The following FABP3 variants were observed in gnomAD, a reference collection of about 807,000 sequenced individuals.
The protein encoded by FABP3 is fatty acid-binding protein, heart.
In FABP3, 8 loss-of-function variants were observed where a neutral mutation model predicts 13.4. The ratio of observed to expected loss-of-function variants is 0.60; its 90% CI spans 0.35 to 1.07. FABP3 has a LOEUF of 1.07. Ranked by LOEUF, FABP3 falls within the 50% of genes least tolerant of loss-of-function variation. The probability of loss-of-function intolerance (pLI) is 0.02; values close to 1 mark genes in which losing one functional copy is unlikely to be tolerated. For missense variants in FABP3, 135 were observed against 164.7 expected (o/e 0.82, Z 0.99); for synonymous variants, 64 against 60.0 (o/e 1.07, Z -0.31).
At chr1:31,371,729 C>T (rs1371322445) in intron 1 of FABP3, among the ~76,000 whole-genome samples, 1 of 152,160 alleles carries the variant, frequency 6.6e-6, no homozygotes, top group African/African-American at 2.4e-5. Flanking sequence ...AGCTGCTGGG[C>T]TGTGTTCGTG....
chr1:31,368,438 G>A (rs1465490316), intron 2 of FABP3, among the ~76,000 whole-genome samples: 1 of 152,194 alleles, frequency 6.6e-6, no homozygotes, highest in Non-Finnish European at 1.5e-5. Flanking sequence ...AAGTAGGCAA[G>A]TCCAAGGAGG....
chr1:31,360,872 G>A (rs1639860618), downstream of FABP3, among the ~76,000 whole-genome samples: 1 of 152,156 alleles, frequency 6.6e-6, no homozygotes, highest in Non-Finnish European at 1.5e-5. Context: ...TGACTCTACA[G>A]ACTATTATTG....
At chr1:31,371,998 T>TA (rs1640217593) in intron 1 of FABP3, among the ~76,000 whole-genome samples, 1 of 152,222 alleles carries the variant, frequency 6.6e-6, no homozygotes. Flanking sequence ...GTGGAATTGT[T>TA]ATAATACATT....
At chr1:31,367,526 A>C in intron 2 of FABP3, 32 bp from the exon 3 acceptor site, 1 of 1,583,622 alleles carries the variant, frequency 6.3e-7, no homozygotes, top group Non-Finnish European at 8.7e-7. Flanking sequence ...CTGAGCTGTG[A>C]TCTTAGTCAG....
downstream of FABP3, among the ~76,000 whole-genome samples, chr1:31,362,529 C>A (rs1469299430): frequency 1.3e-5 from 2 of 150,118 alleles, no homozygotes; most frequent in Non-Finnish European, 3.0e-5. Context: ...ACTTTGGTAG[C>A]ATGATGTGGT....
Position 31,367,539 on chromosome 1 carries a change from A to G in FABP3, c.247-45T>C. 3.9e-6 allele frequency: 6 copies of G among 1,524,408 alleles called. No homozygotes were observed. In the South Asian group the frequency reaches 6.7e-5, roughly 17 times the overall value. 94.4% of individuals were successfully genotyped at this position (1,524,408 alleles called of 1,614,324 possible). ...GCCTGAGCTGTGATCTTAGTCAGGAATTGAGGGGCAGGGTGGGGTCTGGAC... is the reference window on the plus strand; with the variant it reads ...GCCTGAGCTGTGATCTTAGTCAGGAGTTGAGGGGCAGGGTGGGGTCTGGAC... On this transcript the variant is annotated intron_variant, in intron 2 of 3. Coordinates refer to ENST00000373713, the MANE Select transcript of FABP3 (RefSeq NM_004102.5).
the FABP3 span, among the ~76,000 whole-genome samples, chr1:31,359,962 A>G: frequency 1.2e-3 from 178 of 148,668 alleles, no homozygotes; most frequent in Non-Finnish European, 2.2e-3. Context: ...CCAACTCCCA[A>G]CTTTGCTTTT....
At chr1:31,364,072 A>T (rs767413517), downstream of FABP3, 5 of 1,613,802 alleles carry the variant, frequency 3.1e-6, no homozygotes, top group Non-Finnish European at 4.2e-6. Flanking sequence ...AAGTCATCTG[A>T]CTCTGACAGC....
chr1:31,360,067 G>A, the FABP3 span, among the ~76,000 whole-genome samples: 1 of 151,762 alleles, frequency 6.6e-6, no homozygotes, highest in Non-Finnish European at 1.5e-5. Context: ...CCCAACCTCT[G>A]CCTCCGGGTT....
chr1:31,360,320 C>T (rs1639828524), downstream of FABP3, among the ~76,000 whole-genome samples: 2 of 152,232 alleles, frequency 1.3e-5, no homozygotes, highest in Non-Finnish European at 2.9e-5. Context: ...CAGGCATGTG[C>T]CACCACGCCC....
At position 31,365,678 on chromosome 1, in the gene FABP3, AC is replaced by A. The variant is rs1362165695; in HGVS notation, c.*207del. 3 of 505,926 alleles carry A rather than the reference AC, an allele frequency of 5.9e-6. No individual in the cohort carries two copies. The African/African-American group carries it at 6.1e-5, about 10-fold the overall frequency. The allele number at this position is 505,926 out of a possible 1,614,324, so 31.3% of individuals were successfully genotyped here. A position where few individuals can be genotyped will look rare whatever the true frequency, so the allele number is the denominator to read the frequency against. Reference sequence around the variant, plus strand: ...GGGTGGCCTTGGCTCTGCTTTATTGACCTCAGAGCACCCTATGAGTGCAGTT... The same window carrying A: ...GGGTGGCCTTGGCTCTGCTTTATTGACTCAGAGCACCCTATGAGTGCAGTT... On this transcript the variant is annotated 3_prime_UTR_variant, in exon 4 of 4. Transcript: ENST00000373713.
downstream of FABP3, chr1:31,364,286 C>T: frequency 6.8e-7 from 1 of 1,470,346 alleles, no homozygotes; most frequent in Non-Finnish European, 9.0e-7. Flanking sequence ...AGAATATAGC[C>T]TCCCACCCCA....
In FABP3 at chr1:31,372,922, G is replaced by C; in HGVS notation, c.73+20C>G. On this transcript the variant is annotated intron_variant, in intron 1 of 3. Transcript: ENST00000373713. ...CAGCCAGTCCCCAAGCCAACATCCT[G>C]AGCCCCGCGGCTTGCTCACCGAGTG... 1 of 1,611,218 alleles carries C rather than the reference G, an allele frequency of 6.2e-7. No individual in the cohort carries two copies. The highest frequency in any genetic ancestry group is 8.5e-7 in the Non-Finnish European group (1 of 1,179,282).
intron 3 of FABP3, 106 bp downstream of exon 3, chr1:31,367,287 C>T: frequency 1.1e-6 from 1 of 915,884 alleles, no homozygotes; most frequent in Non-Finnish European, 1.8e-6. Context: ...TCTCTTGTCC[C>T]AGCTTCTACA....
chr1:31,369,541 G>C lies in FABP3; in HGVS notation c.90C>G (p.Thr30=), dbSNP rs907142744. 2 of 1,614,050 alleles carry C rather than the reference G, an allele frequency of 1.2e-6. No individual in the cohort carries two copies. The highest frequency in any genetic ancestry group is 3.3e-5 in the Admixed American group (2 of 60,014). ...GCTTGGTCATGCTGGCCACCTGCCTGGTAGCAAAACCCACACCTGAGGGTA... is the reference window on the plus strand; with the variant it reads ...GCTTGGTCATGCTGGCCACCTGCCTCGTAGCAAAACCCACACCTGAGGGTA... The part of the protein sequence containing the change: ...YMKSLGVGFA[T]RQVASMTKPT... The change falls in exon 2 of 4, where the codon ACC becomes ACG. Residue 30 remains threonine, a synonymous_variant. Coordinates refer to ENST00000373713, the MANE Select transcript of FABP3 (RefSeq NM_004102.5).
Position 31,365,830 on chromosome 1 carries a change from G to T in FABP3, c.*56C>A. 2 of 1,491,418 alleles carry T rather than the reference G, an allele frequency of 1.3e-6. No homozygotes were observed. Among genetic ancestry groups the T allele is most frequent in the Non-Finnish European group, 1.9e-6 (2 of 1,069,026 alleles). 92.4% of individuals were successfully genotyped at this position (1,491,418 alleles called of 1,614,324 possible). On this transcript the variant is annotated 3_prime_UTR_variant, in exon 4 of 4. Coordinates refer to ENST00000373713, the MANE Select transcript of FABP3 (RefSeq NM_004102.5). ...AGAGGAAGAAATGAGGCAATGTGGT[G>T]CTGAGTCGAGGGGTAGCCGATTGGC...
the FABP3 span, among the ~76,000 whole-genome samples, chr1:31,359,643 A>G: frequency 5.9e-5 from 9 of 152,232 alleles, no homozygotes; most frequent in East Asian, 1.7e-3. Flanking sequence ...GGCTGCTGCT[A>G]TCCTGTTTCA....
chr1:31,361,677 C>A (rs1639899885), downstream of FABP3, among the ~76,000 whole-genome samples: 1 of 152,202 alleles, frequency 6.6e-6, no homozygotes, highest in Non-Finnish European at 1.5e-5. Flanking sequence ...ACATGAAGAT[C>A]CCAACTGCGC....
chr1:31,364,240 C>T (rs1640046245), downstream of FABP3: 1 of 1,573,126 alleles, frequency 6.4e-7, no homozygotes, highest in Non-Finnish European at 8.6e-7. Flanking sequence ...AACCAGGAGC[C>T]TTGTGCCTTG....
Sources: gnomAD v4.1 joint callset for allele counts (sites outside exome capture counted in the v4.1 genomes callset) on GRCh38, gnomAD v4.1.1 for gene constraint, MANE v1.5 for transcripts, NCBI Gene and HGNC (gene_info 2026-07-23, HGNC 2026-07-21) for gene names.